The following GAS2 variants were observed in gnomAD, a reference collection of about 807,000 sequenced individuals.
GAS2 encodes the protein growth arrest specific 2, also known as growth arrest-specific protein 2.
Under a neutral mutation model 37.5 loss-of-function variants are expected in GAS2, and 20 were observed. The observed-to-expected ratio is 0.53, with a 90% CI of 0.37 to 0.77. GAS2 has a LOEUF of 0.77. GAS2 is among the 30% of genes least tolerant of loss of function. The pLI is 0.00. For missense variants in GAS2, 336 were observed against 373.4 expected (o/e 0.90, Z 0.82); for synonymous variants, 144 against 132.2 (o/e 1.09, Z -0.61).
At chr11:22,786,444 G>A (rs1250121792) in intron 7 of GAS2, among the ~76,000 whole-genome samples, 1 of 152,112 alleles carries the variant, frequency 6.6e-6, no homozygotes, top group Non-Finnish European at 1.5e-5. Context: ...GGATAGATAA[G>A]CGTTTATCCA....
At chr11:22,764,167 C>T (rs766057044) in intron 7 of GAS2, among the ~76,000 whole-genome samples, 3 of 151,742 alleles carry the variant, frequency 2.0e-5, no homozygotes, top group Admixed American at 6.6e-5. Flanking sequence ...GAGAGTTATC[C>T]TTTTTTTAAG....
At chr11:22,669,181 A>G (rs1319939238) in intron 1 of GAS2, among the ~76,000 whole-genome samples, 1 of 152,188 alleles carries the variant, frequency 6.6e-6, no homozygotes, top group Middle Eastern at 3.2e-3. Context: ...TTATATTAAA[A>G]CAACAGAAAA....
At chr11:22,681,932 A>G (rs925877468) in intron 2 of GAS2, among the ~76,000 whole-genome samples, 2 of 152,106 alleles carry the variant, frequency 1.3e-5, no homozygotes, top group African/African-American at 4.8e-5. Context: ...TCTTACAATC[A>G]TACATTGATT....
chr11:22,750,248 G>A (rs1441129845), intron 6 of GAS2, among the ~76,000 whole-genome samples: 2 of 152,098 alleles, frequency 1.3e-5, no homozygotes, highest in East Asian at 3.8e-4. Flanking sequence ...GTCCATAGCT[G>A]TGAGTTTCTT....
At chr11:22,770,703 A>C (rs1410213048) in intron 7 of GAS2, among the ~76,000 whole-genome samples, 2 of 152,234 alleles carry the variant, frequency 1.3e-5, no homozygotes, top group East Asian at 3.8e-4. Context: ...GTAGCCTGTG[A>C]TTCTCAAAGT....
At chr11:22,667,656 T>C (rs773866658) in intron 1 of GAS2, among the ~76,000 whole-genome samples, 19 of 152,188 alleles carry the variant, frequency 1.2e-4, no homozygotes, top group Non-Finnish European at 2.8e-4. Context: ...TTCTGTCAAC[T>C]CAGTATGGTA....
intron 7 of GAS2, among the ~76,000 whole-genome samples, chr11:22,796,629 A>G (rs1235168682): frequency 1.3e-5 from 2 of 152,130 alleles, no homozygotes; most frequent in African/African-American, 4.8e-5. Flanking sequence ...ATACATTAAA[A>G]CCAGTAGCAA....
At chr11:22,730,956 C>T (rs1852443608) in intron 4 of GAS2, among the ~76,000 whole-genome samples, 1 of 151,612 alleles carries the variant, frequency 6.6e-6, no homozygotes, top group East Asian at 1.9e-4. Flanking sequence ...TTTTATGGGG[C>T]TAAGTTTTAC....
chr11:22,738,794 T>C (rs1322084212), intron 5 of GAS2, among the ~76,000 whole-genome samples: 1 of 152,254 alleles, frequency 6.6e-6, no homozygotes, highest in East Asian at 1.9e-4. Context: ...CCTCAAGTTC[T>C]TTAAATCATC....
intron 7 of GAS2, among the ~76,000 whole-genome samples, chr11:22,772,318 G>A (rs1855019689): frequency 1.3e-5 from 2 of 152,144 alleles, no homozygotes; most frequent in Admixed American, 6.6e-5. Context: ...TGGTTCAAGA[G>A]GAAGATGTTG....
chr11:22,754,468 T>C (rs114998865), intron 6 of GAS2, among the ~76,000 whole-genome samples: 2,103 of 152,190 alleles, frequency 0.014, 56 homozygotes, highest in African/African-American at 0.048. Context: ...AAAGGACTAA[T>C]GGCAATGTAT....
intron 3 of GAS2, among the ~76,000 whole-genome samples, chr11:22,700,365 TC>T (rs960115835): frequency 1.3e-5 from 2 of 152,096 alleles, no homozygotes; most frequent in African/African-American, 4.8e-5. Flanking sequence ...AGTTTGAAAT[TC>T]CCCCCTCTGC....
At chr11:22,801,260 T>A (rs1306087769) in intron 7 of GAS2, among the ~76,000 whole-genome samples, 1 of 152,040 alleles carries the variant, frequency 6.6e-6, no homozygotes. Context: ...ACTAGACCCC[T>A]TGATACTGCA....
intron 7 of GAS2, among the ~76,000 whole-genome samples, chr11:22,767,411 C>G (rs940079870): frequency 1.3e-5 from 2 of 151,942 alleles, no homozygotes; most frequent in African/African-American, 4.8e-5. Flanking sequence ...TTGATTTTGG[C>G]ATTGTTTTCC....
At chr11:22,626,823 A>G (rs1184450736) in intron 1 of GAS2, 1 of 152,224 alleles carries the variant, frequency 6.6e-6, no homozygotes, top group African/African-American at 2.4e-5. Flanking sequence ...GGGAAGAGTC[A>G]TTTTTCATTT....
rs568391793 is a variant in GAS2, at chr11:22,812,679, C to G, written c.*663C>G. The G allele has an allele frequency of 6.5e-6, 1 of 152,792 alleles. No individual in the cohort carries two copies. The highest frequency in any genetic ancestry group is 1.9e-4 in the East Asian group (1 of 5,188). 9.5% of individuals were successfully genotyped at this position (152,792 alleles called of 1,614,324 possible). On this transcript the variant is annotated 3_prime_UTR_variant, in exon 8 of 8. Coordinates refer to ENST00000454584, the MANE Select transcript of GAS2 (RefSeq NM_001143830.3). ...AGAATAGCTTATGAGTTATTTCACA[C>G]ATTCCTGAGCACATGGCTGTGTTTA...
chr11:22,661,628 C>A (rs957272393), upstream of GAS2, among the ~76,000 whole-genome samples: 1 of 152,166 alleles, frequency 6.6e-6, no homozygotes, highest in African/African-American at 2.4e-5. Flanking sequence ...AATCAGATTT[C>A]TTCAGAGGGA....
At chr11:22,684,722 C>G (rs1376968341) in intron 2 of GAS2, among the ~76,000 whole-genome samples, 1 of 152,142 alleles carries the variant, frequency 6.6e-6, no homozygotes, top group Non-Finnish European at 1.5e-5. Context: ...GCATGCACCA[C>G]CATGCCTGGC....
intron 3 of GAS2, among the ~76,000 whole-genome samples, chr11:22,713,213 A>G (rs1851498152): frequency 6.6e-6 from 1 of 152,022 alleles, no homozygotes. Context: ...GAAATGCAAA[A>G]TACACTGGAA....
Sources: gnomAD v4.1 joint callset for allele counts (sites outside exome capture counted in the v4.1 genomes callset) on GRCh38, gnomAD v4.1.1 for gene constraint, MANE v1.5 for transcripts, NCBI Gene and HGNC (gene_info 2026-07-23, HGNC 2026-07-21) for gene names.